Variants in BRAF observed in about 807,000 individuals in gnomAD.
The protein encoded by BRAF is serine/threonine-protein kinase B-raf.
Under a neutral mutation model 104.6 loss-of-function variants are expected in BRAF, and 16 were observed. The observed-to-expected ratio is 0.15, with a 90% CI of 0.10 to 0.23. The LOEUF (loss-of-function observed/expected upper bound fraction) is 0.23, where lower values mean the gene tolerates loss of function less well. Ranked by LOEUF, BRAF falls within the 10% of genes least tolerant of loss-of-function variation. The pLI is 1.00. For synonymous variants in BRAF, 310 were observed against 341.6 expected (o/e 0.91, Z 1.02); for missense variants, 541 against 937.3 (o/e 0.58, Z 5.52).
In BRAF at chr7:140,753,094, C is replaced by T. The variant is rs952289548; in HGVS notation, c.1980+181G>A. On this transcript the variant is annotated intron_variant, in intron 16 of 19. Transcript: ENST00000644969. Reference sequence around the variant, plus strand: ...ACACTGAAACTGGTTTCAAAATATTCGTTTTAAGGGTAAAGAAAAAAGTTA... The same window carrying T: ...ACACTGAAACTGGTTTCAAAATATTTGTTTTAAGGGTAAAGAAAAAAGTTA... Among the ~76,000 whole-genome samples, 8 of 151,872 alleles carry T rather than the reference C, an allele frequency of 5.3e-5. No homozygotes were observed. In the East Asian group the frequency reaches 7.7e-4, roughly 15 times the overall value.
chr7:140,838,592 T>C (rs1160274883), intron 2 of BRAF, among the ~76,000 whole-genome samples: 2 of 152,166 alleles, frequency 1.3e-5, no homozygotes, highest in Non-Finnish European at 2.9e-5. Context: ...TTTTTTTTTG[T>C]AGAAACTGAC....
Position 140,722,275 on chromosome 7 carries a change from G to T in BRAF, c.*4219C>A. On this transcript the variant is annotated 3_prime_UTR_variant, in exon 20 of 20. Coordinates refer to ENST00000644969, the MANE Select transcript of BRAF (RefSeq NM_001374258.1). ...CCTGTGTGTTTTCTCATTGTTAAATGTGATTTTGGCTATAAACTCTTTAGT... is the reference window on the plus strand; with the variant it reads ...CCTGTGTGTTTTCTCATTGTTAAATTTGATTTTGGCTATAAACTCTTTAGT... 1 of 1,056,058 alleles carries T rather than the reference G, an allele frequency of 9.5e-7. No homozygotes were observed. Among genetic ancestry groups the T allele is most frequent in the Non-Finnish European group, 1.1e-6 (1 of 873,548 alleles). The allele number at this position is 1,056,058 out of a possible 1,614,324, so 65.4% of individuals were successfully genotyped here.
At chr7:140,825,736 G>T (rs1039188878) in intron 3 of BRAF, among the ~76,000 whole-genome samples, 2 of 152,096 alleles carry the variant, frequency 1.3e-5, no homozygotes, top group African/African-American at 4.8e-5. Context: ...TCAGTACTCT[G>T]AGTATATTAT....
At chr7:140,824,916 T>C (rs986489024) in intron 3 of BRAF, among the ~76,000 whole-genome samples, 2 of 152,080 alleles carry the variant, frequency 1.3e-5, no homozygotes, top group South Asian at 2.1e-4. Flanking sequence ...TTACCATCCA[T>C]ATATCTTTGA....
At position 140,766,085 on chromosome 7, in the gene BRAF, T is replaced by C. The variant is rs536885964; in HGVS notation, c.1814+10827A>G. 9.2e-4 allele frequency among the ~76,000 whole-genome samples: 140 copies of C among 152,046 alleles called. 1 individual carries two copies. Among genetic ancestry groups the C allele is most frequent in the African/African-American group, 3.2e-3 (134 of 41,402 alleles). ...ACAATGATAGACTGGATTAAGAAAATGTGGCACATATACACCATGCAGCCA... is the reference window on the plus strand; with the variant it reads ...ACAATGATAGACTGGATTAAGAAAACGTGGCACATATACACCATGCAGCCA... On this transcript the variant is annotated intron_variant, in intron 14 of 19. Coordinates refer to ENST00000644969, the MANE Select transcript of BRAF (RefSeq NM_001374258.1).
chr7:140,724,982 T>G lies in BRAF; in HGVS notation c.*1512A>C. 3 of 1,044,838 alleles carry G rather than the reference T, an allele frequency of 2.9e-6. No individual in the cohort carries two copies. Among genetic ancestry groups the G allele is most frequent in the Non-Finnish European group, 3.5e-6 (3 of 866,364 alleles). 64.7% of individuals were successfully genotyped at this position (1,044,838 alleles called of 1,614,324 possible). On this transcript the variant is annotated 3_prime_UTR_variant, in exon 20 of 20. Coordinates refer to ENST00000644969, the MANE Select transcript of BRAF (RefSeq NM_001374258.1). ...AGATAAGATTTAGGTTCTTAATGAA[T>G]GCCAGTTCTTTCTATAAAAACAACT...
At chr7:140,825,725 C>T (rs1042090691) in intron 3 of BRAF, among the ~76,000 whole-genome samples, 2 of 152,172 alleles carry the variant, frequency 1.3e-5, no homozygotes, top group Non-Finnish European at 2.9e-5. Context: ...ACAGGTACCT[C>T]TCAGTACTCT....
chr7:140,740,247 G>A (rs946112471), intron 17 of BRAF: 11 of 279,896 alleles, frequency 3.9e-5, no homozygotes, highest in African/African-American at 8.9e-5. Flanking sequence ...ATCTAAAACA[G>A]ATCTGACAGT....
intron 1 of BRAF, among the ~76,000 whole-genome samples, chr7:140,878,665 G>A (rs1220365997): frequency 2.0e-5 from 3 of 152,144 alleles, no homozygotes; most frequent in Non-Finnish European, 4.4e-5. Context: ...GAAACAGTAA[G>A]TTCTAGTATT....
chr7:140,854,640 G>A (rs993357392), intron 1 of BRAF, among the ~76,000 whole-genome samples: 12 of 151,978 alleles, frequency 7.9e-5, no homozygotes, highest in Middle Eastern at 3.2e-3. Flanking sequence ...TTTCTTGCTG[G>A]GGTATAAAAA....
rs1795386774 is a variant in BRAF at position 140,722,890 on chromosome 7, C to T, written c.*3604G>A. 4.7e-6 allele frequency: 5 copies of T among 1,055,438 alleles called. No individual in the cohort carries two copies. The highest frequency in any genetic ancestry group is 4.6e-6 in the Non-Finnish European group (4 of 873,112). The allele number at this position is 1,055,438 out of a possible 1,614,324, so 65.4% of individuals were successfully genotyped here. On this transcript the variant is annotated 3_prime_UTR_variant, in exon 20 of 20. Transcript: ENST00000644969. ...TTCTGGCACCACTTTCAACAACATT[C>T]AGATATTCCGAGCAACACATTTTTT...
chr7:140,786,990 T>C (rs1214422306), intron 9 of BRAF, among the ~76,000 whole-genome samples: 1 of 152,184 alleles, frequency 6.6e-6, no homozygotes. Flanking sequence ...ATTTTAAAAC[T>C]GTAGATAATA....
At chr7:140,729,770 T>C (rs1160058931) in intron 19 of BRAF, among the ~76,000 whole-genome samples, 1 of 152,114 alleles carries the variant, frequency 6.6e-6, no homozygotes, top group African/African-American at 2.4e-5. Flanking sequence ...AGAATGAGAC[T>C]CTGTCTCAAA....
chr7:140,844,975 G>T (rs1562991389), intron 2 of BRAF, among the ~76,000 whole-genome samples: 1 of 150,416 alleles, frequency 6.6e-6, no homozygotes, highest in African/African-American at 2.4e-5. Flanking sequence ...TTTTGAAAAA[G>T]AACAAAGTTG....
At chr7:140,761,338 T>C (rs554136934) in intron 14 of BRAF, among the ~76,000 whole-genome samples, 1 of 151,970 alleles carries the variant, frequency 6.6e-6, no homozygotes, top group East Asian at 1.9e-4. Context: ...AAGCAAATGC[T>C]GAGAGATTTT....
At chr7:140,808,845 T>G (rs774238574) in intron 4 of BRAF, 47 bp downstream of exon 4, 1 of 1,467,404 alleles carries the variant, frequency 6.8e-7, no homozygotes, top group Non-Finnish European at 9.5e-7. Flanking sequence ...AAGTTTAATG[T>G]GTGATTTTCT....
At chr7:140,810,177 A>T (rs543180258) in intron 3 of BRAF, among the ~76,000 whole-genome samples, 1 of 152,346 alleles carries the variant, frequency 6.6e-6, no homozygotes, top group South Asian at 2.1e-4. Context: ...AGACAGCTGA[A>T]TTCAAATAAT....
At chr7:140,809,140 A>C in intron 3 of BRAF, 145 bp from the exon 4 acceptor site, 1 of 642,982 alleles carries the variant, frequency 1.6e-6, no homozygotes, top group South Asian at 1.8e-5. Context: ...CTAACTTAAT[A>C]CTAAAGGGAA....
At chr7:140,860,332 C>T (rs529523781) in intron 1 of BRAF, among the ~76,000 whole-genome samples, 9 of 151,674 alleles carry the variant, frequency 5.9e-5, no homozygotes, top group East Asian at 3.9e-4. Flanking sequence ...ATAGGGAATT[C>T]GAATATCTAA....
Sources: gnomAD v4.1 joint callset for allele counts (sites outside exome capture counted in the v4.1 genomes callset) on GRCh38, gnomAD v4.1.1 for gene constraint, MANE v1.5 for transcripts, NCBI Gene and HGNC (gene_info 2026-07-23, HGNC 2026-07-21) for gene names.